PARP8: variants seen among roughly 807,000 people sequenced by gnomAD.
PARP8 encodes the protein poly(ADP-ribose) polymerase family member 8.
PARP8 carries 51 observed loss-of-function variants against 124.1 expected under a neutral mutation model. The observed-to-expected ratio is 0.41, with a 90% CI of 0.33 to 0.52. PARP8 has a LOEUF of 0.52. Among genes scored for constraint, PARP8 ranks in the 20% least tolerant of loss-of-function variants. PARP8 has a pLI of 0.21. For synonymous variants in PARP8, 391 were observed against 361.5 expected (o/e 1.08, Z -0.93); for missense variants, 860 against 1,018.9 (o/e 0.84, Z 2.12).
chr5:50,678,171 AATT>A (rs1401331434), intron 2 of PARP8, among the ~76,000 whole-genome samples: 2 of 152,148 alleles, frequency 1.3e-5, no homozygotes, highest in Non-Finnish European at 2.9e-5. Flanking sequence ...CTATTACAAA[AATT>A]ATTAAGAACC....
chr5:50,689,834 A>G (rs1045682454), intron 2 of PARP8, among the ~76,000 whole-genome samples: 3 of 152,172 alleles, frequency 2.0e-5, no homozygotes, highest in African/African-American at 7.2e-5. Context: ...CCCACCATGC[A>G]CCTGGATTGC....
chr5:50,822,603 ACTCCT>A (rs1371902509), intron 17 of PARP8, among the ~76,000 whole-genome samples: 4 of 152,156 alleles, frequency 2.6e-5, no homozygotes, highest in African/African-American at 9.7e-5. Context: ...AGATAATTAT[ACTCCT>A]AATACTCTGC....
intron 17 of PARP8, among the ~76,000 whole-genome samples, chr5:50,824,085 C>T (rs1746071884): frequency 6.6e-6 from 1 of 152,172 alleles, no homozygotes. Context: ...AGAGATTGCT[C>T]TTTGTTCTGT....
At chr5:50,829,412 A>G (rs1746700927) in intron 21 of PARP8, among the ~76,000 whole-genome samples, 3 of 152,242 alleles carry the variant, frequency 2.0e-5, no homozygotes. Context: ...AGAGATAATA[A>G]GAAAGAAATT....
At position 50,842,018 on chromosome 5, in the gene PARP8, A is replaced by T; in HGVS notation, c.2515A>T (p.Ile839Phe). ...DANINTQEGG[I>F]HKEILRVIGN... ...AAATATTAATACACAAGAAGGAGGC[A>T]TTCACAAAGAGATCCTCCGAGTAAT... Residue 839 changes from isoleucine to phenylalanine, a missense_variant, in exon 26 of 26, where the codon ATT becomes TTT. Physicochemically the swap from Ile to Phe is conservative, Grantham distance 21. This residue lies in a region of PARP8 where 343 missense variants were observed against 474.7 expected (regional missense o/e 0.72). Transcript: ENST00000281631. 1 of 1,606,414 alleles carries T rather than the reference A, an allele frequency of 6.2e-7. No individual in the cohort carries two copies. The highest frequency in any genetic ancestry group is 1.3e-5 in the African/African-American group (1 of 74,330).
intron 2 of PARP8, among the ~76,000 whole-genome samples, chr5:50,720,741 T>TATCATCCA (rs1755791004): frequency 6.6e-6 from 1 of 151,486 alleles, no homozygotes; most frequent in African/African-American, 2.4e-5. Flanking sequence ...GTAACTGCCA[T>TATCATCCA]ACTCCTGACG....
chr5:50,678,454 G>A lies in PARP8; in HGVS notation c.146+10329G>A, dbSNP rs1750888397. Among the ~76,000 whole-genome samples, 6 of 152,076 alleles carry A rather than the reference G, an allele frequency of 3.9e-5. No homozygotes were observed. In the South Asian group the frequency reaches 1.2e-3, roughly 32 times the overall value. ...TACCAAGATAACATTCTAAAATGAA[G>A]GATATCTATGTCTCTCTTCATACTG... is the stretch of plus-strand genomic sequence containing the variant. On this transcript the variant is annotated intron_variant, in intron 2 of 25. Transcript: ENST00000281631.
chr5:50,823,136 T>C (rs1017599946), intron 17 of PARP8, among the ~76,000 whole-genome samples: 23 of 152,212 alleles, frequency 1.5e-4, no homozygotes, highest in African/African-American at 5.1e-4. Flanking sequence ...TAGAGACCCT[T>C]GCAGGCTTAT....
Position 50,754,116 on chromosome 5 carries a change from CATAT to C in PARP8, c.184+3960_184+3963del, listed in dbSNP as rs373375463. Among the ~76,000 whole-genome samples, 265 of 64,726 alleles carry C rather than the reference CATAT, an allele frequency of 4.1e-3. 9 individuals carry two copies. The highest frequency in any genetic ancestry group is 7.7e-3 in the South Asian group (12 of 1,554). The allele number at this position is 64,726 out of a possible 152,430, so 42.5% of individuals were successfully genotyped here. A position where few individuals can be genotyped will look rare whatever the true frequency, so the allele number is the denominator to read the frequency against. On this transcript the variant is annotated intron_variant, in intron 3 of 25. Coordinates refer to ENST00000281631, the MANE Select transcript of PARP8 (RefSeq NM_024615.4). ...GAAGGAATTTGAGTTTGAAAACATT[CATAT>C]ATATATATATATATATATATATATA...
intron 15 of PARP8, among the ~76,000 whole-genome samples, chr5:50,820,759 T>G (rs1745674731): frequency 6.6e-6 from 1 of 152,244 alleles, no homozygotes. Flanking sequence ...TCTTAGCCAC[T>G]CTAAAACAAT....
rs532322690 is a variant in PARP8, at chr5:50,778,732, C to G, written c.670+82C>G. Reference sequence around the variant, plus strand: ...TTAAGCAAAATGCGTGTTCATTTGTCAGTTCTGAGCAAAAGTGCTAAATAT... The same window carrying G: ...TTAAGCAAAATGCGTGTTCATTTGTGAGTTCTGAGCAAAAGTGCTAAATAT... On this transcript the variant is annotated intron_variant, in intron 9 of 25. Transcript: ENST00000281631. 106 of 793,360 alleles carry G rather than the reference C, an allele frequency of 1.3e-4. No individual in the cohort carries two copies. The South Asian group carries it at 2.9e-3, about 22-fold the overall frequency. The allele number at this position is 793,360 out of a possible 1,614,324, so 49.1% of individuals were successfully genotyped here. A position where few individuals can be genotyped will look rare whatever the true frequency, so the allele number is the denominator to read the frequency against.
At chr5:50,818,672 C>A (rs567574364) in intron 15 of PARP8, among the ~76,000 whole-genome samples, 1 of 151,720 alleles carries the variant, frequency 6.6e-6, no homozygotes, top group African/African-American at 2.4e-5. Context: ...AGCCACCACA[C>A]CCAGCCTTTT....
At chr5:50,777,676 TC>T (rs1322232292) in intron 7 of PARP8, among the ~76,000 whole-genome samples, 1 of 152,150 alleles carries the variant, frequency 6.6e-6, no homozygotes, top group Non-Finnish European at 1.5e-5. Flanking sequence ...TTGTGTGTCT[TC>T]CCTATACTCC....
Position 50,716,235 on chromosome 5 carries a change from C to T in PARP8, c.147-33916C>T, listed in dbSNP as rs1446102968. Among the ~76,000 whole-genome samples, 3 of 152,016 alleles carry T rather than the reference C, an allele frequency of 2.0e-5. No individual in the cohort carries two copies. In the East Asian group the frequency reaches 5.8e-4, roughly 29 times the overall value. On this transcript the variant is annotated intron_variant, in intron 2 of 25. Coordinates refer to ENST00000281631, the MANE Select transcript of PARP8 (RefSeq NM_024615.4). ...ACAAAGGAAGATGACTATGATGTGG[C>T]ATAGAGTTTTACAAGTGAGATAATA... is the stretch of plus-strand genomic sequence containing the variant.
chr5:50,764,263 G>C (rs1406681579), intron 7 of PARP8, among the ~76,000 whole-genome samples: 2 of 152,118 alleles, frequency 1.3e-5, no homozygotes, highest in Non-Finnish European at 2.9e-5. Flanking sequence ...TGTTCGTTTT[G>C]TTTTGGTTTG....
rs571967478 is a variant in PARP8 at position 50,839,135 on chromosome 5, T to G, written c.2463-2831T>G. 1.1e-3 allele frequency among the ~76,000 whole-genome samples: 173 copies of G among 152,228 alleles called. 1 individual carries two copies. Among genetic ancestry groups the G allele is most frequent in the African/African-American group, 4.0e-3 (168 of 41,566 alleles). On this transcript the variant is annotated intron_variant, in intron 25 of 25. Transcript: ENST00000281631. ...GAAATGTTCTTACATACCTAAGAAATTTCCAGGCAGCTAAGTTTCATCTAA... is the reference window on the plus strand; with the variant it reads ...GAAATGTTCTTACATACCTAAGAAAGTTCCAGGCAGCTAAGTTTCATCTAA...
chr5:50,792,907 AGTTT>A (rs1177467726), intron 10 of PARP8, among the ~76,000 whole-genome samples: 1 of 151,016 alleles, frequency 6.6e-6, no homozygotes, highest in Non-Finnish European at 1.5e-5. Context: ...GATCTGAGTT[AGTTT>A]GTTAAGACCT....
intron 2 of PARP8, among the ~76,000 whole-genome samples, chr5:50,745,872 G>A (rs1186932819): frequency 2.6e-5 from 4 of 152,084 alleles, no homozygotes; most frequent in Admixed American, 6.6e-5. Context: ...ATTCATATGG[G>A]GTCATAGTGT....
intron 2 of PARP8, chr5:50,669,653 T>G (rs1749774080): frequency 6.6e-6 from 1 of 152,224 alleles, no homozygotes; most frequent in South Asian, 2.1e-4. Context: ...TATTGGACTC[T>G]AGTGTTAACA....
Sources: gnomAD v4.1 joint callset for allele counts (sites outside exome capture counted in the v4.1 genomes callset) on GRCh38, gnomAD v4.1.1 for gene constraint, gnomAD v4.1.1 regional missense constraint, MANE v1.5 for transcripts, NCBI Gene and HGNC (gene_info 2026-07-23, HGNC 2026-07-21) for gene names.